OR2A5: variants seen among roughly 807,000 people sequenced by gnomAD.
The protein encoded by OR2A5 is olfactory receptor family 2 subfamily A member 5, also known as olfactory receptor 2A5.
OR2A5 carries 2 observed loss-of-function variants against 1.9 expected under a neutral mutation model. The observed-to-expected ratio is 1.04, with a 90% confidence interval of 0.43 to 3.28. OR2A5 has a LOEUF of 3.28. Ranked by LOEUF, OR2A5 falls within the 30% of genes most tolerant of loss-of-function variation. The pLI, the probability that OR2A5 is intolerant of heterozygous loss-of-function variation, is 0.08. For missense variants in OR2A5, 391 were observed against 375.9 expected, an observed-to-expected ratio of 1.04 and a Z score of -0.33; for synonymous variants, 160 against 154.5, an observed-to-expected ratio of 1.04 and a Z score of -0.26.
At position 144,058,361 on chromosome 7, in the gene OR2A5, T is replaced by G. The variant is rs973967165; in HGVS notation, c.*7024T>G. 1 of 152,216 alleles carries G rather than the reference T, an allele frequency of 6.6e-6. No homozygotes were observed. The highest frequency in any genetic ancestry group is 6.5e-5 in the Admixed American group (1 of 15,272). The allele number at this position is 152,216 out of a possible 1,614,324, so 9.4% of individuals were successfully genotyped here. On this transcript the variant is annotated 3_prime_UTR_variant, in exon 2 of 2. Coordinates refer to ENST00000641693, the MANE Select transcript of OR2A5 (RefSeq NM_012365.2). Reference sequence around the variant, plus strand: ...ATAGTATTCCATTACATATGTATAATACTTTTTTTTATACTTTCATTTATT... The same window carrying G: ...ATAGTATTCCATTACATATGTATAAGACTTTTTTTTATACTTTCATTTATT...
At position 144,051,380 on chromosome 7, in the gene OR2A5, A is replaced by G. The variant is rs376574816; in HGVS notation, c.*43A>G. On this transcript the variant is annotated 3_prime_UTR_variant, in exon 2 of 2. Transcript: ENST00000641693. Reference sequence around the variant, plus strand: ...CTAGAGGGTTGAAGATTTGCTCCCAATGAGATTTGTAGGAACAGTGGTGTA... The same window carrying G: ...CTAGAGGGTTGAAGATTTGCTCCCAGTGAGATTTGTAGGAACAGTGGTGTA... 4.0e-4 allele frequency: 593 copies of G among 1,479,110 alleles called. No individual in the cohort carries two copies. Among genetic ancestry groups the G allele is most frequent in the Non-Finnish European group, 5.2e-4 (570 of 1,086,194 alleles). 91.6% of individuals were successfully genotyped at this position (1,479,110 alleles called of 1,614,324 possible).
chr7:144,051,407 A>AT lies in OR2A5; in HGVS notation c.*71dup. The AT allele has an allele frequency of 8.3e-7, 1 of 1,205,262 alleles. No homozygotes were observed. The highest frequency in any genetic ancestry group is 1.2e-6 in the Non-Finnish European group (1 of 849,256). The allele number at this position is 1,205,262 out of a possible 1,614,324, so 74.7% of individuals were successfully genotyped here. On this transcript the variant is annotated 3_prime_UTR_variant, in exon 2 of 2. Transcript: ENST00000641693. ...GAGATTTGTAGGAACAGTGGTGTAA[A>AT]TGCCTTACAGTCTCATCTCTTAGAT...
In OR2A5 at chr7:144,058,017, T is replaced by A. The variant is rs1029760232; in HGVS notation, c.*6680T>A. The A allele has an allele frequency of 2.0e-5, 3 of 152,150 alleles. No individual in the cohort carries two copies. Among genetic ancestry groups the A allele is most frequent in the African/African-American group, 7.2e-5 (3 of 41,424 alleles). 9.4% of individuals were successfully genotyped at this position (152,150 alleles called of 1,614,324 possible). On this transcript the variant is annotated 3_prime_UTR_variant, in exon 2 of 2. Coordinates refer to ENST00000641693, the MANE Select transcript of OR2A5 (RefSeq NM_012365.2). ...TGTGTGTTAAAAATTCAAAAGTAGA[T>A]CACATTTGCCATCTTTGAGCCCCCC... is the stretch of plus-strand genomic sequence containing the variant.
Position 144,051,058 on chromosome 7 carries a change from G to A in OR2A5, c.657G>A (p.Ser219=), listed in dbSNP as rs576376124. 76 of 1,614,148 alleles carry A rather than the reference G, an allele frequency of 4.7e-5. 1 individual carries two copies. The Middle Eastern group carries it at 6.6e-4, about 14-fold the overall frequency. Residue 219 remains serine, a synonymous_variant, in exon 2 of 2, where the codon TCG becomes TCA. Coordinates refer to ENST00000641693, the MANE Select transcript of OR2A5 (RefSeq NM_012365.2). ...TCTGCCTGGTGCTGGTCTCCTACTC[G>A]CGCATCCTGGCGGCCATCTTGAGGA... ...GPLCLVLVSY[S]RILAAILRIQ...
At position 144,050,412 on chromosome 7, in the gene OR2A5, A is replaced by T; in HGVS notation, c.11A>T (p.Asn4Ile). 6.5e-7 allele frequency: 1 copy of T among 1,537,248 alleles called. No individual in the cohort carries two copies. Among genetic ancestry groups the T allele is most frequent in the Non-Finnish European group, 8.7e-7 (1 of 1,147,304 alleles). Residue 4 changes from asparagine to isoleucine, a missense_variant, in exon 2 of 2, where the codon AAT becomes ATT. Asn to Ile is a moderately radical substitution (Grantham distance 149, BLOSUM62 -3). Coordinates refer to ENST00000641693, the MANE Select transcript of OR2A5 (RefSeq NM_012365.2). ...TACTGTCACAAGGGCATGACAAAAAATCAGACATGGGTCACAGAATTCATT... is the reference window on the plus strand; with the variant it reads ...TACTGTCACAAGGGCATGACAAAAATTCAGACATGGGTCACAGAATTCATT... MTK[N>I]QTWVTEFILL...
In OR2A5 at chr7:144,056,312, A is replaced by C. The variant is rs557101929; in HGVS notation, c.*4975A>C. The C allele has an allele frequency of 6.6e-6, 1 of 152,484 alleles. No homozygotes were observed. The highest frequency in any genetic ancestry group is 1.9e-4 in the East Asian group (1 of 5,180). 9.4% of individuals were successfully genotyped at this position (152,484 alleles called of 1,614,324 possible). On this transcript the variant is annotated 3_prime_UTR_variant, in exon 2 of 2. Coordinates refer to ENST00000641693, the MANE Select transcript of OR2A5 (RefSeq NM_012365.2). ...TGTGAGAACCCAGGCCCTGCGCTGC[A>C]ACCAAATGTGGAATCCAGACACCCA...
Position 144,056,463 on chromosome 7 carries a change from T to C in OR2A5, c.*5126T>C, listed in dbSNP as rs2050940032. 1 of 152,108 alleles carries C rather than the reference T, an allele frequency of 6.6e-6. No individual in the cohort carries two copies. The highest frequency in any genetic ancestry group is 2.1e-4 in the South Asian group (1 of 4,812). The allele number at this position is 152,108 out of a possible 1,614,324, so 9.4% of individuals were successfully genotyped here. A position where few individuals can be genotyped will look rare whatever the true frequency, so the allele number is the denominator to read the frequency against. On this transcript the variant is annotated 3_prime_UTR_variant, in exon 2 of 2. Coordinates refer to ENST00000641693, the MANE Select transcript of OR2A5 (RefSeq NM_012365.2). ...TGGGCCAAGACAACCCCTGAGCTTC[T>C]AGATGAGAGAAGAGGGAGGGAGAGA...
chr7:144,051,246 A>G lies in OR2A5; in HGVS notation c.845A>G (p.Asn282Ser). 2.5e-6 allele frequency: 4 copies of G among 1,613,794 alleles called. No homozygotes were observed. Among genetic ancestry groups the G allele is most frequent in the Non-Finnish European group, 3.4e-6 (4 of 1,179,838 alleles). ...CTTTCCCTGTTTTACAGCCTTTTCA[A>G]CCCGATGCTGAACCCCTTGATCTAT... ...KVLSLFYSLFNPMLNPLIYSL... is the reference protein window; with the variant it reads ...KVLSLFYSLFSPMLNPLIYSL... Residue 282 changes from asparagine to serine, a missense_variant, in exon 2 of 2, where the codon AAC becomes AGC. Coordinates refer to ENST00000641693, the MANE Select transcript of OR2A5 (RefSeq NM_012365.2).
Position 144,055,978 on chromosome 7 carries a change from C to T in OR2A5, c.*4641C>T, listed in dbSNP as rs1388304460. On this transcript the variant is annotated 3_prime_UTR_variant, in exon 2 of 2. Coordinates refer to ENST00000641693, the MANE Select transcript of OR2A5 (RefSeq NM_012365.2). ...CCACAAGGAGAGGAAATGAAAAAGA[C>T]AAAATTAGCCCCCAAGGCAAGATAA... The T allele has an allele frequency of 1.3e-5, 2 of 152,146 alleles. No homozygotes were observed. The highest frequency in any genetic ancestry group is 6.6e-5 in the Admixed American group (1 of 15,262). The allele number at this position is 152,146 out of a possible 1,614,324, so 9.4% of individuals were successfully genotyped here.
rs1371671052 is a variant in OR2A5, at chr7:144,052,205, A to T, written c.*868A>T. ...CATAGACCACCGCTTAGAACCAAGA[A>T]CATGTCAAGTCTTGATAAAGACTTT... is the stretch of plus-strand genomic sequence containing the variant. On this transcript the variant is annotated 3_prime_UTR_variant, in exon 2 of 2. Transcript: ENST00000641693. 6.6e-6 allele frequency: 1 copy of T among 152,186 alleles called. No homozygotes were observed. The allele number at this position is 152,186 out of a possible 1,614,324, so 9.4% of individuals were successfully genotyped here. A position where few individuals can be genotyped will look rare whatever the true frequency, so the allele number is the denominator to read the frequency against.
rs1586881286 is a variant in OR2A5, at chr7:144,053,422, C to T, written c.*2085C>T. 6.6e-6 allele frequency: 1 copy of T among 152,116 alleles called. No homozygotes were observed. The highest frequency in any genetic ancestry group is 2.1e-4 in the South Asian group (1 of 4,834). The allele number at this position is 152,116 out of a possible 1,614,324, so 9.4% of individuals were successfully genotyped here. A position where few individuals can be genotyped will look rare whatever the true frequency, so the allele number is the denominator to read the frequency against. On this transcript the variant is annotated 3_prime_UTR_variant, in exon 2 of 2. Transcript: ENST00000641693. ...AAGGTCTGGGGGAAAGTGAAAGAAACAATTGCATTGTTTTAGGCTGCAAGT... is the reference window on the plus strand; with the variant it reads ...AAGGTCTGGGGGAAAGTGAAAGAAATAATTGCATTGTTTTAGGCTGCAAGT...
In OR2A5 at chr7:144,052,150, TCA is replaced by T. The variant is rs568656567; in HGVS notation, c.*814_*815del. 12 of 152,176 alleles carry T rather than the reference TCA, an allele frequency of 7.9e-5. No homozygotes were observed. The highest frequency in any genetic ancestry group is 1.3e-4 in the Non-Finnish European group (9 of 68,030). 9.4% of individuals were successfully genotyped at this position (152,176 alleles called of 1,614,324 possible). On this transcript the variant is annotated 3_prime_UTR_variant, in exon 2 of 2. Coordinates refer to ENST00000641693, the MANE Select transcript of OR2A5 (RefSeq NM_012365.2). ...GAAAATACTGCAAAGGAAGAAAGCATCAAGGGAAACTGACAGCTTGATGTAAC... is the reference window on the plus strand; with the variant it reads ...GAAAATACTGCAAAGGAAGAAAGCATAGGGAAACTGACAGCTTGATGTAAC...
rs2050882533 is a variant in OR2A5 at position 144,048,979 on chromosome 7, AAG to A, written c.-200_-199del. On this transcript the variant is annotated 5_prime_UTR_variant, in exon 1 of 2. An upstream open reading frame in the 5' UTR loses its in-frame stop. Transcript: ENST00000641693. ...AGTCTGCATCAGCCTATGCTAAGAA[AAG>A]AGAGACAACTCCTGCATCTGGAAAT... The A allele has an allele frequency of 6.6e-6, 1 of 152,330 alleles. No individual in the cohort carries two copies. Among genetic ancestry groups the A allele is most frequent in the African/African-American group, 2.4e-5 (1 of 41,440 alleles). The allele number at this position is 152,330 out of a possible 1,614,324, so 9.4% of individuals were successfully genotyped here.
rs370562017 is a variant in OR2A5 at position 144,051,030 on chromosome 7, C to T, written c.629C>T (p.Pro210Leu). ...FAASVFILVG[P>L]LCLVLVSYSR... ...GCTTCAGTGTTCATCCTGGTGGGGC[C>T]GCTCTGCCTGGTGCTGGTCTCCTAC... Residue 210 changes from proline to leucine, a missense_variant, in exon 2 of 2, where the codon CCG (proline) becomes CTG (leucine). Coordinates refer to ENST00000641693, the MANE Select transcript of OR2A5 (RefSeq NM_012365.2). 106 of 1,614,114 alleles carry T rather than the reference C, an allele frequency of 6.6e-5. No homozygotes were observed. Among genetic ancestry groups the T allele is most frequent in the Non-Finnish European group, 8.5e-5 (100 of 1,180,050 alleles).
At position 144,051,201 on chromosome 7, in the gene OR2A5, C is replaced by G. The variant is rs1260545212; in HGVS notation, c.800C>G (p.Pro267Arg). 3 of 1,614,100 alleles carry G rather than the reference C, an allele frequency of 1.9e-6. No individual in the cohort carries two copies. The South Asian group carries it at 3.3e-5, about 18-fold the overall frequency. ...TACATGGCCCCCAAGTCCCGCCACCCTGAGGAGCAGCAGAAGGTCCTTTCC... is the reference window on the plus strand; with the variant it reads ...TACATGGCCCCCAAGTCCCGCCACCGTGAGGAGCAGCAGAAGGTCCTTTCC... ...VMYMAPKSRHPEEQQKVLSLF... is the reference protein window; with the variant it reads ...VMYMAPKSRHREEQQKVLSLF... The change falls in exon 2 of 2, where the codon CCT becomes CGT. Residue 267 changes from proline to arginine, a missense_variant. Pro to Arg is a moderately radical substitution (Grantham distance 103, BLOSUM62 -2). Transcript: ENST00000641693.
chr7:144,049,243 T>C (rs920104588), intron 1 of OR2A5, 110 bp downstream of exon 1: 2 of 152,268 alleles, frequency 1.3e-5, no homozygotes, highest in African/African-American at 2.4e-5. Context: ...AGGTAATTTA[T>C]TGGCAGACAG....
In OR2A5 at chr7:144,056,681, T is replaced by C. The variant is rs979238411; in HGVS notation, c.*5344T>C. The C allele has an allele frequency of 1.3e-5, 2 of 152,172 alleles. No individual in the cohort carries two copies. Among genetic ancestry groups the C allele is most frequent in the African/African-American group, 2.4e-5 (1 of 41,436 alleles). The allele number at this position is 152,172 out of a possible 1,614,324, so 9.4% of individuals were successfully genotyped here. A position where few individuals can be genotyped will look rare whatever the true frequency, so the allele number is the denominator to read the frequency against. On this transcript the variant is annotated 3_prime_UTR_variant, in exon 2 of 2. Transcript: ENST00000641693. Reference sequence around the variant, plus strand: ...AAATGCATAAAAGATTTCTTAAAGATATGCTAACTATTTTAGATGGCCAGG... The same window carrying C: ...AAATGCATAAAAGATTTCTTAAAGACATGCTAACTATTTTAGATGGCCAGG...
At position 144,056,913 on chromosome 7, in the gene OR2A5, C is replaced by T. The variant is rs2050945346; in HGVS notation, c.*5576C>T. The T allele has an allele frequency of 7.0e-6, 1 of 142,166 alleles. No homozygotes were observed. 8.8% of individuals were successfully genotyped at this position (142,166 alleles called of 1,614,324 possible). ...CACTGCAAGCTCTGCCTCCTGGTTT[C>T]ATGCCATTCTCCTGCCTCAGCCTCC... On this transcript the variant is annotated 3_prime_UTR_variant, in exon 2 of 2. Transcript: ENST00000641693.
In OR2A5 at chr7:144,050,698, G is replaced by C. The variant is rs1272367520; in HGVS notation, c.297G>C (p.Met99Ile). The stretch of plus-strand genomic sequence containing the variant: ...CAATCTCCTTTGTCCCATGCACAAT[G>C]CAGACCTTTTTATACATGGCTTTTG... ...RKTISFVPCT[M>I]QTFLYMAFAH... Residue 99 changes from methionine (M) to isoleucine (I), a missense_variant, in exon 2 of 2, where the codon ATG becomes ATC. Physicochemically the swap from Met to Ile is conservative, Grantham distance 10. Coordinates refer to ENST00000641693, the MANE Select transcript of OR2A5 (RefSeq NM_012365.2). 6.2e-7 allele frequency: 1 copy of C among 1,614,162 alleles called. No individual in the cohort carries two copies. Among genetic ancestry groups the C allele is most frequent in the African/African-American group, 1.3e-5 (1 of 75,018 alleles).
Sources: gnomAD v4.1 joint callset for allele counts on GRCh38, gnomAD v4.1.1 for gene constraint, MANE v1.5 for transcripts, NCBI Gene and HGNC (gene_info 2026-07-23, HGNC 2026-07-21) for gene names.